Variants in LRRC20 observed in about 807,000 individuals in gnomAD.
LRRC20 encodes the protein leucine-rich repeat-containing protein 20.
In LRRC20, 11 loss-of-function variants were observed where a neutral mutation model predicts 14.4. The observed-to-expected ratio is 0.77, with a 90% CI of 0.48 to 1.27. The LOEUF (loss-of-function observed/expected upper bound fraction) is 1.27, where lower values mean the gene tolerates loss of function less well. LRRC20 is among the 50% of genes most tolerant of loss of function. The pLI is 0.00. For synonymous variants in LRRC20, 121 were observed against 107.3 expected, an observed-to-expected ratio of 1.13 and a Z score of -0.79; for missense variants, 219 against 251.2, an observed-to-expected ratio of 0.87 and a Z score of 0.87.
intron 2 of LRRC20, among the ~76,000 whole-genome samples, chr10:70,349,211 G>C (rs1843197250): frequency 6.6e-6 from 1 of 152,230 alleles, no homozygotes; most frequent in East Asian, 1.9e-4. Context: ...AGCATGGTCA[G>C]GCAGAGTCTC....
At chr10:70,305,471 C>A (rs1376778299) in intron 4 of LRRC20, among the ~76,000 whole-genome samples, 4 of 152,108 alleles carry the variant, frequency 2.6e-5, no homozygotes, top group East Asian at 3.8e-4. Context: ...CCAGTTTATA[C>A]CCTCTGATCT....
intron 2 of LRRC20, among the ~76,000 whole-genome samples, chr10:70,358,561 C>T (rs932825595): frequency 3.3e-5 from 5 of 152,340 alleles, no homozygotes; most frequent in Admixed American, 2.0e-4. Flanking sequence ...CAACAAATGT[C>T]GCCAACCAGT....
intron 2 of LRRC20, among the ~76,000 whole-genome samples, chr10:70,356,455 G>A (rs1326500401): frequency 6.6e-6 from 1 of 152,190 alleles, no homozygotes; most frequent in African/African-American, 2.4e-5. Flanking sequence ...GGCAGAGGTT[G>A]CAGTGAGCCA....
chr10:70,360,457 G>A (rs868595801), intron 2 of LRRC20, among the ~76,000 whole-genome samples: 2 of 150,482 alleles, frequency 1.3e-5, no homozygotes, highest in African/African-American at 2.4e-5. Context: ...TTTCTTTTGA[G>A]ACAGGGTCTC....
intron 2 of LRRC20, among the ~76,000 whole-genome samples, chr10:70,361,433 G>C (rs562017757): frequency 2.0e-5 from 3 of 152,192 alleles, no homozygotes; most frequent in African/African-American, 7.2e-5. Flanking sequence ...AAAACAAAAC[G>C]GTATAATGGG....
intron 3 of LRRC20, among the ~76,000 whole-genome samples, chr10:70,337,908 C>T (rs188367185): frequency 6.9e-4 from 105 of 152,290 alleles, no homozygotes; most frequent in African/African-American, 2.5e-3. Flanking sequence ...GTGAACTCTC[C>T]TCTTACCCAA....
chr10:70,356,296 AAGTTCAAG>A (rs1440397739), intron 2 of LRRC20, among the ~76,000 whole-genome samples: 2 of 151,660 alleles, frequency 1.3e-5, no homozygotes, highest in African/African-American at 4.8e-5. Flanking sequence ...AGGATCACTT[AAGTTCAAG>A]AGTTCAAGAC....
At chr10:70,316,663 C>A (rs10443940) in intron 4 of LRRC20, among the ~76,000 whole-genome samples, 36,146 of 152,214 alleles carry the variant, frequency 0.24, 5,478 homozygotes, top group Non-Finnish European at 0.33. Context: ...GCTTCCTGCA[C>A]CCTCGTGTCT....
chr10:70,354,648 A>G (rs1843456033), intron 2 of LRRC20, among the ~76,000 whole-genome samples: 1 of 152,142 alleles, frequency 6.6e-6, no homozygotes, highest in Non-Finnish European at 1.5e-5. Context: ...ATGGGGTGGT[A>G]ATGACAGTAA....
At chr10:70,372,703 A>G (rs920955956) in intron 2 of LRRC20, among the ~76,000 whole-genome samples, 3 of 151,904 alleles carry the variant, frequency 2.0e-5, no homozygotes, top group African/African-American at 7.3e-5. Context: ...CGGCCACCCA[A>G]AGTGCTGGGA....
At chr10:70,353,907 A>G (rs906503715) in intron 2 of LRRC20, among the ~76,000 whole-genome samples, 3 of 152,208 alleles carry the variant, frequency 2.0e-5, no homozygotes, top group African/African-American at 7.2e-5. Context: ...TGGGAACACT[A>G]GTATATTGCA....
At chr10:70,345,653 T>C (rs1843048358) in intron 2 of LRRC20, among the ~76,000 whole-genome samples, 6 of 152,110 alleles carry the variant, frequency 3.9e-5, no homozygotes, top group Admixed American at 2.6e-4. Context: ...AAAAACATAA[T>C]TAGTAAACAA....
intron 1 of LRRC20, among the ~76,000 whole-genome samples, chr10:70,377,545 G>A (rs1162017769): frequency 6.6e-6 from 1 of 152,142 alleles, no homozygotes; most frequent in African/African-American, 2.4e-5. Context: ...ACCCCATAGA[G>A]AGAGGAATGA....
At chr10:70,372,940 T>TG (rs1844360772) in intron 2 of LRRC20, among the ~76,000 whole-genome samples, 1 of 137,466 alleles carries the variant, frequency 7.3e-6, no homozygotes, top group South Asian at 2.3e-4. Flanking sequence ...CCATCTCTAC[T>TG]AAAAAAAAAA....
At chr10:70,334,715 C>G (rs1842659462) in intron 3 of LRRC20, among the ~76,000 whole-genome samples, 1 of 152,118 alleles carries the variant, frequency 6.6e-6, no homozygotes, top group Admixed American at 6.5e-5. Context: ...CTGCCCACAC[C>G]CACCCCCAGG....
chr10:70,354,948 A>C (rs1843467270), intron 2 of LRRC20, among the ~76,000 whole-genome samples: 2 of 152,064 alleles, frequency 1.3e-5, no homozygotes, highest in Admixed American at 6.6e-5. Flanking sequence ...CTACTTCTTC[A>C]TGGGCCTTGT....
intron 3 of LRRC20, among the ~76,000 whole-genome samples, chr10:70,326,297 TACACACACACACACACACAC>T (rs3998644): frequency 7.1e-6 from 1 of 140,382 alleles, no homozygotes; most frequent in Non-Finnish European, 1.5e-5. Context: ...CGCCTCTGTG[TACACACACACACACACACAC>T]ACACACACAC....
chr10:70,306,031 G>A (rs1841407663), intron 4 of LRRC20, among the ~76,000 whole-genome samples: 2 of 152,080 alleles, frequency 1.3e-5, no homozygotes, highest in Admixed American at 1.3e-4. Flanking sequence ...GTGAGCCACT[G>A]CGCCCGACCT....
rs143148788 is a variant in LRRC20 at position 70,347,793 on chromosome 10, T to C, written c.83-7091A>G. On this transcript the variant is annotated intron_variant, in intron 2 of 4. Coordinates refer to ENST00000446961, the MANE Select transcript of LRRC20 (RefSeq NM_001278212.2). ...GAGATCACACCACTATACTCCAGCCTGGGCAACAGAGCGAGACTCCGTCTC... is the reference window on the plus strand; with the variant it reads ...GAGATCACACCACTATACTCCAGCCCGGGCAACAGAGCGAGACTCCGTCTC... 3.8e-3 allele frequency among the ~76,000 whole-genome samples: 540 copies of C among 142,912 alleles called. 6 individuals are homozygous for C. Among genetic ancestry groups the C allele is most frequent in the African/African-American group, 0.013 (518 of 38,912 alleles). The allele number at this position is 142,912 out of a possible 152,430, so 93.8% of individuals were successfully genotyped here.
Sources: gnomAD v4.1 joint callset for allele counts (sites outside exome capture counted in the v4.1 genomes callset) on GRCh38, gnomAD v4.1.1 for gene constraint, MANE v1.5 for transcripts, NCBI Gene and HGNC (gene_info 2026-07-23, HGNC 2026-07-21) for gene names.